ZNF593OS: variants seen among roughly 807,000 people sequenced by gnomAD.
ZNF593OS encodes ZNF593 opposite strand.
In ZNF593OS at chr1:26,171,546, G is replaced by C. The variant is rs371528548; in HGVS notation, c.45+71C>G. The stretch of plus-strand genomic sequence containing the variant: ...GAACGTGACAGCCTGGCTGTTGGGG[G>C]TGTCAACCCAGCTATGGTAGGGGGA... On this transcript the variant is annotated intron_variant, in intron 1 of 1. Coordinates refer to ENST00000648649, the Ensembl canonical transcript of ZNF593OS. This position sits in a 1 kb window ranked among gnomAD's most constrained non-coding sequence, Gnocchi z 5.5. 2.5e-5 allele frequency: 10 copies of C among 398,728 alleles called. No homozygotes were observed. Among genetic ancestry groups the C allele is most frequent in the African/African-American group, 1.8e-4 (9 of 48,750 alleles). The allele number at this position is 398,728 out of a possible 1,614,324, so 24.7% of individuals were successfully genotyped here.
At position 26,171,704 on chromosome 1, in the gene ZNF593OS, C is replaced by T. The variant is rs1325415337; in HGVS notation, c.-43G>A. 1 of 398,546 alleles carries T rather than the reference C, an allele frequency of 2.5e-6. No homozygotes were observed. The highest frequency in any genetic ancestry group is 4.4e-6 in the Non-Finnish European group (1 of 226,056). 24.7% of individuals were successfully genotyped at this position (398,546 alleles called of 1,614,324 possible). A position where few individuals can be genotyped will look rare whatever the true frequency, so the allele number is the denominator to read the frequency against. ...TCCCTGGCGGCCTGTAGGGTGGGAG[C>T]GGACGTGAAGACCAGTGGTCTTCAT... On this transcript the variant is annotated 5_prime_UTR_variant, in exon 1 of 2. Coordinates refer to ENST00000648649, the Ensembl canonical transcript of ZNF593OS. The surrounding 1 kb of genome is among the most constrained non-coding windows in gnomAD (Gnocchi z 5.5).
At chr1:26,169,655 G>C (rs191579294), downstream of ZNF593OS, 2 of 426,378 alleles carry the variant, frequency 4.7e-6, no homozygotes, top group African/African-American at 4.2e-5. Flanking sequence ...ACTGATACTG[G>C]TTGGACCAGG....
chr1:26,171,223 A>G lies in ZNF593OS; in HGVS notation c.158T>C (p.Met53Thr). The change falls in exon 2 of 2, where the codon ATG (methionine) becomes ACG (threonine). Residue 53 changes from methionine (M) to threonine (T), a missense_variant. Met to Thr is a moderately conservative substitution (Grantham distance 81, BLOSUM62 -1). Transcript: ENST00000648649. The surrounding 1 kb of genome is among the most constrained non-coding windows in gnomAD (Gnocchi z 5.5). ...CCGTGGCACCCGCCGCTGCCCCACC[A>G]TCTTCCAGACGGCATAGCAGGAGCC... 7.4e-6 allele frequency: 3 copies of G among 407,822 alleles called. No homozygotes were observed. The highest frequency in any genetic ancestry group is 8.7e-6 in the Non-Finnish European group (2 of 231,012). 25.3% of individuals were successfully genotyped at this position (407,822 alleles called of 1,614,324 possible).
chr1:26,170,401 C>T, downstream of ZNF593OS: 1 of 1,611,306 alleles, frequency 6.2e-7, no homozygotes, highest in Non-Finnish European at 8.5e-7. Flanking sequence ...CTCTCCTTCT[C>T]ACTTCCATTC....
In ZNF593OS at chr1:26,171,737, A is replaced by G. The variant is rs936661329; in HGVS notation, c.-76T>C. The G allele has an allele frequency of 1.1e-4, 42 of 398,408 alleles. No homozygotes were observed. The highest frequency in any genetic ancestry group is 4.8e-4 in the Admixed American group (11 of 22,716). 24.7% of individuals were successfully genotyped at this position (398,408 alleles called of 1,614,324 possible). On this transcript the variant is annotated 5_prime_UTR_variant, in exon 1 of 2. Transcript: ENST00000648649. The surrounding 1 kb of genome is among the most constrained non-coding windows in gnomAD (Gnocchi z 5.5). Reference sequence around the variant, plus strand: ...AAGACCAGTGGTCTTCATGACACCAAGAAGTGGAAACTAGGGTAGAGGGGT... The same window carrying G: ...AAGACCAGTGGTCTTCATGACACCAGGAAGTGGAAACTAGGGTAGAGGGGT...
At chr1:26,170,245 T>A, downstream of ZNF593OS, 1 of 1,578,626 alleles carries the variant, frequency 6.3e-7, no homozygotes, top group Non-Finnish European at 8.6e-7. Context: ...CCGGGAGATG[T>A]GAAGTTGAAG....
chr1:26,169,938 C>G (rs958818950), downstream of ZNF593OS: 1 of 1,503,852 alleles, frequency 6.6e-7, no homozygotes, highest in East Asian at 2.5e-5. Context: ...CACGTGTGCT[C>G]CCTGCCCTGC....
At position 26,171,300 on chromosome 1, in the gene ZNF593OS, C is replaced by G; in HGVS notation, c.81G>C (p.Arg27=). 1 of 401,658 alleles carries G rather than the reference C, an allele frequency of 2.5e-6. No homozygotes were observed. Among genetic ancestry groups the G allele is most frequent in the Non-Finnish European group, 4.4e-6 (1 of 228,070 alleles). 24.9% of individuals were successfully genotyped at this position (401,658 alleles called of 1,614,324 possible). A position where few individuals can be genotyped will look rare whatever the true frequency, so the allele number is the denominator to read the frequency against. Residue 27 remains arginine, a synonymous_variant, in exon 2 of 2, where the codon CGG becomes CGC. Coordinates refer to ENST00000648649, the Ensembl canonical transcript of ZNF593OS. This position sits in a 1 kb window ranked among gnomAD's most constrained non-coding sequence, Gnocchi z 5.5. Reference sequence around the variant, plus strand: ...TAGCCACAACTCCTGCCAGCAGACTCCGGGGCTCTGCCTTCAGCTCACCAG... The same window carrying G: ...TAGCCACAACTCCTGCCAGCAGACTGCGGGGCTCTGCCTTCAGCTCACCAG...
Position 26,171,139 on chromosome 1 carries a change from C to T in ZNF593OS, c.*50G>A, listed in dbSNP as rs940206899. 13 of 409,518 alleles carry T rather than the reference C, an allele frequency of 3.2e-5. No individual in the cohort carries two copies. Among genetic ancestry groups the T allele is most frequent in the Non-Finnish European group, 5.2e-5 (12 of 232,098 alleles). The allele number at this position is 409,518 out of a possible 1,614,324, so 25.4% of individuals were successfully genotyped here. On this transcript the variant is annotated 3_prime_UTR_variant, in exon 2 of 2. Transcript: ENST00000648649. This position sits in a 1 kb window ranked among gnomAD's most constrained non-coding sequence, Gnocchi z 5.5. ...AAGAAGGCTTCTGAGATTGCACCCC[C>T]CTCCCGAGTCACCTACCCCCAGCAT...
downstream of ZNF593OS, chr1:26,169,868 G>A (rs1255879090): frequency 5.1e-6 from 6 of 1,176,828 alleles, no homozygotes; most frequent in Non-Finnish European, 6.8e-6. Context: ...AGGCGGTCCG[G>A]CCGAGCCTGC....
At chr1:26,170,422 T>C, downstream of ZNF593OS, 2 of 1,613,742 alleles carry the variant, frequency 1.2e-6, no homozygotes, top group Non-Finnish European at 1.7e-6. Context: ...CTACAGGAGG[T>C]ACTTCATCGA....
exon 2 of ZNF593OS, chr1:26,170,686 T>C (rs913697205): frequency 1.9e-6 from 3 of 1,608,992 alleles, no homozygotes; most frequent in Middle Eastern, 3.3e-4. Flanking sequence ...AAGTGTCCAC[T>C]GAGGTCCCTG....
downstream of ZNF593OS, chr1:26,170,095 CAG>C (rs1557613802): frequency 6.4e-7 from 1 of 1,570,890 alleles, no homozygotes; most frequent in East Asian, 2.3e-5. Context: ...GCTGCGGCCT[CAG>C]GGATCCGCAC....
At chr1:26,170,805 T>C in exon 2 of ZNF593OS, 1 of 1,507,480 alleles carries the variant, frequency 6.6e-7, no homozygotes, top group Non-Finnish European at 8.8e-7. Context: ...CCCTTTTGCC[T>C]CTGGGTTTGG....
downstream of ZNF593OS, chr1:26,169,745 C>T (rs924748599): frequency 3.8e-6 from 2 of 521,246 alleles, no homozygotes; most frequent in Middle Eastern, 4.9e-4. Flanking sequence ...CGAGGGCCCG[C>T]GGGGCCATGC....
downstream of ZNF593OS, chr1:26,170,421 G>A: frequency 1.9e-6 from 3 of 1,613,920 alleles, no homozygotes. Context: ...CCTACAGGAG[G>A]TACTTCATCG....
chr1:26,170,141 C>T (rs76775439), downstream of ZNF593OS: 3,447 of 1,572,170 alleles, frequency 2.2e-3, 48 homozygotes, highest in African/African-American at 0.032. Flanking sequence ...GAGTTCGACC[C>T]CGACCTGCCA....
chr1:26,170,126 A>T, downstream of ZNF593OS: 5 of 1,571,764 alleles, frequency 3.2e-6, no homozygotes, highest in Non-Finnish European at 4.3e-6. Context: ...CCCGACCCAA[A>T]CGCCGAGTTC....
downstream of ZNF593OS, chr1:26,169,768 A>T: frequency 1.8e-6 from 1 of 558,048 alleles, no homozygotes; most frequent in Non-Finnish European, 3.0e-6. Flanking sequence ...TTCAGTGGGC[A>T]CACTTCTGGG....
Sources: allele counts gnomAD v4.1 joint callset, GRCh38; gene constraint gnomAD v4.1.1; non-coding constraint Gnocchi (gnomAD v3.1); transcripts MANE v1.5; gene names NCBI Gene and HGNC (gene_info 2026-07-23, HGNC 2026-07-21).